The following EGFL6 variants were observed in gnomAD, a reference collection of about 807,000 sequenced individuals.
EGFL6 encodes epidermal growth factor-like protein 6.
In EGFL6, 42 loss-of-function variants were observed where a neutral mutation model predicts 43.1. The ratio of observed to expected loss-of-function variants is 0.98; its 90% CI spans 0.76 to 1.26. The LOEUF (loss-of-function observed/expected upper bound fraction) is 1.26, where lower values mean the gene tolerates loss of function less well. EGFL6 is among the 50% of genes most tolerant of loss of function. The probability of loss-of-function intolerance (pLI) is 0.00; values close to 1 mark genes in which losing one functional copy is unlikely to be tolerated. For synonymous variants in EGFL6, 164 were observed against 163.2 expected, an observed-to-expected ratio of 1.01 and a Z score of -0.04; for missense variants, 429 against 427.8, an observed-to-expected ratio of 1.00 and a Z score of -0.02.
chrX:13,628,578 C>T (rs750451095), intron 11 of EGFL6, among the ~76,000 whole-genome samples: 1 of 111,021 alleles, frequency 9.0e-6, no homozygotes, highest in East Asian at 2.8e-4. Context: ...CTTTGGGAGG[C>T]CGAGACAGGC....
chrX:13,627,246 G>A lies in EGFL6; in HGVS notation c.1521G>A (p.Gln507=). ...EDEKWKTGKI[Q]LYQGTDATKS... is the part of the protein sequence containing the mutation. ...AAAAGTGGAAGACAGGGAAAATTCA[G>A]TTGTATCAAGGAACTGATGCTACCA... Residue 507 remains glutamine (Q), a synonymous_variant, in exon 11 of 12, where the codon CAG becomes CAA. Coordinates refer to ENST00000361306, the MANE Select transcript of EGFL6 (RefSeq NM_015507.4). The A allele has an allele frequency of 8.3e-7, 1 of 1,210,795 alleles. No individual in the cohort carries two copies. The highest frequency in any genetic ancestry group is 1.1e-6 in the Non-Finnish European group (1 of 894,386).
At chrX:13,575,412 A>C (rs2045466445) in intron 1 of EGFL6, among the ~76,000 whole-genome samples, 2 of 111,877 alleles carry the variant, frequency 1.8e-5, no homozygotes, top group African/African-American at 6.5e-5. Flanking sequence ...AAAACAAGCC[A>C]AAAAGAGGAG....
At chrX:13,572,764 T>C (rs931853542) in intron 1 of EGFL6, among the ~76,000 whole-genome samples, 3 of 112,050 alleles carry the variant, frequency 2.7e-5, no homozygotes, top group Non-Finnish European at 3.8e-5. Flanking sequence ...ATGTGGGTAA[T>C]TGATTTTTCT....
chrX:13,620,075 G>T (rs2045741399), intron 9 of EGFL6, among the ~76,000 whole-genome samples: 1 of 112,069 alleles, frequency 8.9e-6, no homozygotes, highest in South Asian at 3.7e-4. Context: ...AAGGAGCTGT[G>T]AAGTCATACA....
intron 1 of EGFL6, among the ~76,000 whole-genome samples, chrX:13,587,709 T>C (rs2045541218): frequency 8.9e-6 from 1 of 112,094 alleles, no homozygotes; most frequent in Non-Finnish European, 1.9e-5. Flanking sequence ...CAAAACTCTT[T>C]AGCAGAGCAT....
chrX:13,600,141 G>A, intron 4 of EGFL6, 47 bp downstream of exon 4: 1 of 1,164,853 alleles, frequency 8.6e-7, no homozygotes, highest in East Asian at 3.1e-5. Flanking sequence ...TTAAGGCTTG[G>A]CTTTTGCCAT....
intron 6 of EGFL6, 67 bp downstream of exon 6, chrX:13,606,580 A>G (rs2045662220): frequency 4.5e-6 from 5 of 1,100,745 alleles, no homozygotes; most frequent in Non-Finnish European, 1.2e-6. Context: ...TTCTCTGCAG[A>G]TATTTTGATG....
intron 4 of EGFL6, among the ~76,000 whole-genome samples, chrX:13,600,798 AG>A (rs112622252): frequency 1.2e-4 from 13 of 108,449 alleles, no homozygotes; most frequent in African/African-American, 4.0e-4. Flanking sequence ...AATCTCAGAA[AG>A]AAAAAAAAAA....
chrX:13,588,660 A>G (rs1350605891), intron 1 of EGFL6, among the ~76,000 whole-genome samples: 3 of 110,892 alleles, frequency 2.7e-5, no homozygotes, highest in African/African-American at 9.8e-5. Context: ...AAGCTAGGTG[A>G]TCCCCTCTTT....
chrX:13,590,474 A>C (rs764266819), intron 2 of EGFL6: 7 of 112,226 alleles, frequency 6.2e-5, no homozygotes, highest in African/African-American at 1.6e-4. Flanking sequence ...GTCCTTCAGT[A>C]GGTAGCATGT....
rs185943637 is a variant in EGFL6 at position 13,628,641 on chromosome X, C to A, written c.1551+1365C>A. On this transcript the variant is annotated intron_variant, in intron 11 of 11. Transcript: ENST00000361306. ...CCAGCCTGACCAACATGGAGAAACC[C>A]CATCTCTACTAAAAATACAAAATTA... 5.1e-3 allele frequency among the ~76,000 whole-genome samples: 570 copies of A among 111,149 alleles called. 1 individual carries two copies. The highest frequency in any genetic ancestry group is 0.018 in the African/African-American group (542 of 30,571).
In EGFL6 at chrX:13,569,768, TGAG is replaced by T. The variant is rs770204549; in HGVS notation, c.-90_-88del. On this transcript the variant is annotated 5_prime_UTR_variant, in exon 1 of 12. Coordinates refer to ENST00000361306, the MANE Select transcript of EGFL6 (RefSeq NM_015507.4). The stretch of plus-strand genomic sequence containing the variant: ...GAGTGGAGCGGAGGACCCGAGCGGC[TGAG>T]GAGAGAGGAGGCGGCGGCTTAGCTG... 1.2e-3 allele frequency: 1,087 copies of T among 898,884 alleles called. No individual in the cohort carries two copies. The highest frequency in any genetic ancestry group is 1.6e-3 in the Non-Finnish European group (976 of 621,329). 74.1% of individuals were successfully genotyped at this position (898,884 alleles called of 1,213,427 possible). A position where few individuals can be genotyped will look rare whatever the true frequency, so the allele number is the denominator to read the frequency against.
intron 1 of EGFL6, among the ~76,000 whole-genome samples, chrX:13,581,182 G>A (rs776846230): frequency 2.0e-4 from 22 of 112,147 alleles, no homozygotes; most frequent in African/African-American, 6.8e-4. Flanking sequence ...ACTTTTGCCT[G>A]AAGTTTACTA....
At chrX:13,580,875 T>G (rs745742754) in intron 1 of EGFL6, among the ~76,000 whole-genome samples, 1 of 112,196 alleles carries the variant, frequency 8.9e-6, no homozygotes, top group Non-Finnish European at 1.9e-5. Flanking sequence ...AACTCCATCT[T>G]CCATCTTATA....
chrX:13,622,795 G>A (rs928310351), intron 9 of EGFL6, among the ~76,000 whole-genome samples: 3 of 112,436 alleles, frequency 2.7e-5, no homozygotes, highest in African/African-American at 9.7e-5. Context: ...AGTGGGCCAG[G>A]ATCTACATAA....
intron 5 of EGFL6, among the ~76,000 whole-genome samples, chrX:13,604,234 G>A (rs2045648576): frequency 9.0e-6 from 1 of 111,207 alleles, no homozygotes; most frequent in Non-Finnish European, 1.9e-5. Flanking sequence ...TAGCTGACTG[G>A]TACCAGAATC....
chrX:13,589,437 A>C (rs1360803239), intron 1 of EGFL6, 119 bp from the exon 2 acceptor site: 2 of 537,693 alleles, frequency 3.7e-6, no homozygotes, highest in Non-Finnish European at 5.5e-6. Context: ...TTTAGCACTT[A>C]CTGCGGGTTC....
chrX:13,584,738 A>G lies in EGFL6; in HGVS notation c.75-4818A>G, dbSNP rs778392241. 2.7e-5 allele frequency among the ~76,000 whole-genome samples: 3 copies of G among 112,142 alleles called. No individual in the cohort carries two copies. The East Asian group carries it at 8.4e-4, about 31-fold the overall frequency. On this transcript the variant is annotated intron_variant, in intron 1 of 11. Coordinates refer to ENST00000361306, the MANE Select transcript of EGFL6 (RefSeq NM_015507.4). ...AGGATATAAGCTCCATGAGGACAGA[A>G]ATCTTATTTCCCTTTTGGTTGCTGA...
chrX:13,610,915 C>A (rs1006147580), intron 7 of EGFL6, among the ~76,000 whole-genome samples: 1 of 111,089 alleles, frequency 9.0e-6, no homozygotes. Flanking sequence ...CAGTTGCATG[C>A]GTATCTCTAG....
Sources: gnomAD v4.1 joint callset for allele counts (sites outside exome capture counted in the v4.1 genomes callset) on GRCh38, gnomAD v4.1.1 for gene constraint, MANE v1.5 for transcripts, NCBI Gene and HGNC (gene_info 2026-07-23, HGNC 2026-07-21) for gene names.